Variants in HIVEP2 observed in about 807,000 individuals in gnomAD.
HIVEP2 encodes HIVEP zinc finger 2, also known as transcription factor HIVEP2.
In HIVEP2, 14 loss-of-function variants were observed where a neutral mutation model predicts 180.7. That is an observed-to-expected ratio of 0.08 (90% CI 0.05 to 0.12). The LOEUF is 0.12. HIVEP2 is among the 10% of genes least tolerant of loss of function. The pLI is 1.00. For missense variants in HIVEP2, 2,579 were observed against 3,008.5 expected (o/e 0.86, Z 3.34); for synonymous variants, 1,184 against 1,136.4 (o/e 1.04, Z -0.84).
chr6:142,833,229 A>G (rs1775140050), intron 2 of HIVEP2, among the ~76,000 whole-genome samples: 1 of 152,228 alleles, frequency 6.6e-6, no homozygotes, highest in Non-Finnish European at 1.5e-5. Flanking sequence ...ATAAAGTGTG[A>G]GTAATAACTA....
At chr6:142,768,619 GA>G in intron 5 of HIVEP2, 83 bp from the exon 6 acceptor site, 1 of 1,399,018 alleles carries the variant, frequency 7.1e-7, no homozygotes, top group Non-Finnish European at 9.9e-7. Flanking sequence ...CATCATCTCT[GA>G]AAATGAGCCT....
chr6:142,764,956 A>G lies in HIVEP2; in HGVS notation c.5361T>C (p.Asp1787=). 2 of 1,608,436 alleles carry G rather than the reference A, an allele frequency of 1.2e-6. No homozygotes were observed. Among genetic ancestry groups the G allele is most frequent in the African/African-American group, 2.7e-5 (2 of 74,950 alleles). ...IFEGGYKSNE[D]YVYVRGRGRG... is the part of the protein sequence containing the mutation. ...GGCCACGTCCTCTGACATATACATA[A>G]TCTTCATTCGATTTGTACCTGTTTT... is the stretch of plus-strand genomic sequence containing the variant. The change falls in exon 7 of 10, where the codon GAT becomes GAC. Residue 1787 remains aspartate, a synonymous_variant. Coordinates refer to ENST00000367603, the MANE Select transcript of HIVEP2 (RefSeq NM_006734.4).
intron 1 of HIVEP2, among the ~76,000 whole-genome samples, chr6:142,907,352 G>A (rs768650900): frequency 6.6e-6 from 1 of 151,480 alleles, no homozygotes. Flanking sequence ...CCGGGTTGTC[G>A]CCTTCTAGCA....
chr6:142,908,940 A>G (rs1777334915), intron 1 of HIVEP2, among the ~76,000 whole-genome samples: 1 of 152,040 alleles, frequency 6.6e-6, no homozygotes, highest in Non-Finnish European at 1.5e-5. Flanking sequence ...GGAACCAAGC[A>G]TAATTTAACC....
At chr6:142,941,227 C>T (rs1044427844) in intron 1 of HIVEP2, among the ~76,000 whole-genome samples, 4 of 152,124 alleles carry the variant, frequency 2.6e-5, no homozygotes, top group Non-Finnish European at 5.9e-5. Context: ...TCAGAGAAGC[C>T]AAAGATTGCA....
At chr6:142,781,182 T>A (rs1186006077) in intron 3 of HIVEP2, among the ~76,000 whole-genome samples, 1 of 152,126 alleles carries the variant, frequency 6.6e-6, no homozygotes, top group Non-Finnish European at 1.5e-5. Flanking sequence ...CTGTGTAGAG[T>A]CAATTCATTT....
At chr6:142,824,070 A>G (rs1404340007) in intron 2 of HIVEP2, among the ~76,000 whole-genome samples, 3 of 152,178 alleles carry the variant, frequency 2.0e-5, no homozygotes, top group African/African-American at 7.2e-5. Flanking sequence ...AATATTTTGT[A>G]TATGTTGAAT....
At position 142,773,609 on chromosome 6, in the gene HIVEP2, T is replaced by C; in HGVS notation, c.1130A>G (p.Lys377Arg). Reference protein sequence around the residue: ...QKLALRLSEKKGQDSEPSLNL... With the variant: ...QKLALRLSEKRGQDSEPSLNL... The stretch of plus-strand genomic sequence containing the variant: ...GAGCGATGGCTCAGAATCTTGTCCT[T>C]TTTTCTCTGACAGTCTTAGTGCAAG... Residue 377 changes from lysine to arginine, a missense_variant, in exon 5 of 10, where the codon AAA becomes AGA. Coordinates refer to ENST00000367603, the MANE Select transcript of HIVEP2 (RefSeq NM_006734.4). 6.2e-7 allele frequency: 1 copy of C among 1,614,210 alleles called. No homozygotes were observed. The highest frequency in any genetic ancestry group is 8.5e-7 in the Non-Finnish European group (1 of 1,180,032).
At chr6:142,819,967 A>T (rs1237796893) in intron 2 of HIVEP2, among the ~76,000 whole-genome samples, 2 of 152,148 alleles carry the variant, frequency 1.3e-5, no homozygotes, top group Non-Finnish European at 2.9e-5. Flanking sequence ...TTTCAGCAGA[A>T]AAATGCAAAT....
chr6:142,846,550 C>T (rs966105901), intron 1 of HIVEP2, among the ~76,000 whole-genome samples: 4 of 152,188 alleles, frequency 2.6e-5, no homozygotes, highest in South Asian at 2.1e-4. Context: ...TAGAGTAGCA[C>T]CACACGTTAA....
chr6:142,858,124 T>C (rs1309190373), intron 1 of HIVEP2, among the ~76,000 whole-genome samples: 1 of 152,184 alleles, frequency 6.6e-6, no homozygotes, highest in African/African-American at 2.4e-5. Context: ...GGACTAACAG[T>C]GACATAAAGC....
chr6:142,845,994 G>A (rs1775505939), intron 1 of HIVEP2, among the ~76,000 whole-genome samples: 1 of 152,216 alleles, frequency 6.6e-6, no homozygotes, highest in South Asian at 2.1e-4. Context: ...CTGTCGAAAT[G>A]TATATTGCAG....
chr6:142,762,452 GCACACACACACACACACACACA>G (rs35168499), intron 7 of HIVEP2, among the ~76,000 whole-genome samples: 1 of 144,042 alleles, frequency 6.9e-6, no homozygotes, highest in Non-Finnish European at 1.5e-5. Context: ...ACAGAAGAAT[GCACACACACACACACACACACA>G]CACACACACA....
At position 142,768,481 on chromosome 6, in the gene HIVEP2, C is replaced by T. The variant is rs1295075325; in HGVS notation, c.5243G>A (p.Gly1748Glu). ...TTTCCCTCTTTCCTTTAAGATATTT[C>T]CCACTAGTTTCCTTTCTAGTTTGCT... ...FGSKLERKLV[G>E]NILKERGKGD... The change falls in exon 6 of 10, where the codon GGA (glycine) becomes GAA (glutamate). Residue 1748 changes from glycine to glutamate, a missense_variant. This residue lies in a region of HIVEP2 where 349 missense variants were observed against 367.2 expected (regional missense o/e 0.95). Transcript: ENST00000367603. 6.2e-7 allele frequency: 1 copy of T among 1,613,324 alleles called. No individual in the cohort carries two copies. The highest frequency in any genetic ancestry group is 1.3e-5 in the African/African-American group (1 of 74,972).
intron 1 of HIVEP2, among the ~76,000 whole-genome samples, chr6:142,896,455 G>C (rs1776995967): frequency 1.3e-5 from 2 of 151,872 alleles, no homozygotes; most frequent in Admixed American, 6.6e-5. Flanking sequence ...AATCTAGAGG[G>C]GCTGAGAAAA....
At chr6:142,881,591 A>G (rs1250139467) in intron 1 of HIVEP2, among the ~76,000 whole-genome samples, 2 of 152,176 alleles carry the variant, frequency 1.3e-5, no homozygotes, top group African/African-American at 4.8e-5. Context: ...GAGTTCTGTC[A>G]TCTGTATTCG....
chr6:142,891,528 G>A (rs889079654), intron 1 of HIVEP2, among the ~76,000 whole-genome samples: 5 of 152,102 alleles, frequency 3.3e-5, no homozygotes, highest in Admixed American at 6.5e-5. Flanking sequence ...TTATAGATAA[G>A]GAAACTGGGT....
chr6:142,837,879 G>A (rs1355254557), intron 1 of HIVEP2, among the ~76,000 whole-genome samples: 2 of 151,986 alleles, frequency 1.3e-5, no homozygotes, highest in African/African-American at 4.8e-5. Context: ...TCTTCCCAAG[G>A]TAGACTTAGT....
At chr6:142,912,209 C>A (rs1331869165) in intron 1 of HIVEP2, among the ~76,000 whole-genome samples, 1 of 152,214 alleles carries the variant, frequency 6.6e-6, no homozygotes, top group African/African-American at 2.4e-5. Flanking sequence ...TGTTTAGTGG[C>A]TACCATATTG....
Sources: allele counts gnomAD v4.1 joint callset (sites outside exome capture counted in the v4.1 genomes callset), GRCh38; gene constraint gnomAD v4.1.1; regional missense constraint gnomAD v4.1.1; transcripts MANE v1.5; gene names NCBI Gene and HGNC (gene_info 2026-07-23, HGNC 2026-07-21).